The following ZDHHC17 variants were observed in gnomAD, a reference collection of about 807,000 sequenced individuals.
ZDHHC17 encodes the protein palmitoyltransferase ZDHHC17.
ZDHHC17 carries 40 observed loss-of-function variants against 90.3 expected under a neutral mutation model. The ratio of observed to expected loss-of-function variants is 0.44; its 90% CI spans 0.34 to 0.58. ZDHHC17 has a LOEUF of 0.58. Ranked by LOEUF, ZDHHC17 falls within the 20% of genes least tolerant of loss-of-function variation. The pLI is 0.01. For synonymous variants in ZDHHC17, 235 were observed against 252.4 expected (o/e 0.93, Z 0.65); for missense variants, 614 against 780.8 (o/e 0.79, Z 2.55).
intron 10 of ZDHHC17, chr12:76,840,055 T>A (rs1353331180): frequency 6.6e-6 from 1 of 152,192 alleles, no homozygotes. Flanking sequence ...TTCAGTCGTA[T>A]CATCTGTAAA....
intron 1 of ZDHHC17, among the ~76,000 whole-genome samples, chr12:76,778,171 A>G (rs1393471568): frequency 6.6e-6 from 1 of 152,030 alleles, no homozygotes; most frequent in African/African-American, 2.4e-5. Context: ...GAGATGAAGA[A>G]GTCTATATTG....
chr12:76,850,499 G>C (rs1372658900), intron 16 of ZDHHC17, among the ~76,000 whole-genome samples: 1 of 152,072 alleles, frequency 6.6e-6, no homozygotes, highest in East Asian at 1.9e-4. Flanking sequence ...TGAGAGGATT[G>C]CTTGAGCCCA....
intron 6 of ZDHHC17, 74 bp from the exon 7 acceptor site, chr12:76,815,783 A>T: frequency 7.2e-7 from 1 of 1,394,424 alleles, no homozygotes; most frequent in Non-Finnish European, 9.4e-7. Flanking sequence ...TAATCAGTTT[A>T]GTATTTGTAA....
chr12:76,832,836 A>G (rs538738191), intron 10 of ZDHHC17, among the ~76,000 whole-genome samples: 11 of 152,372 alleles, frequency 7.2e-5, no homozygotes, highest in Admixed American at 1.3e-4. Flanking sequence ...TTTGAGAACT[A>G]AAACAAGACA....
At position 76,769,886 on chromosome 12, in the gene ZDHHC17, T is replaced by C. The variant is rs183810215; in HGVS notation, c.93+5557T>C. ...CTGGTTTTGAGAAATGTCATTTTCC[T>C]GATTCGGCTTGTTTTATTTTGTTCA... On this transcript the variant is annotated intron_variant, in intron 1 of 16. Transcript: ENST00000426126. Among the ~76,000 whole-genome samples, 133 of 152,352 alleles carry C rather than the reference T, an allele frequency of 8.7e-4. No homozygotes were observed. In the Middle Eastern group the frequency reaches 0.014, roughly 16 times the overall value.
intron 7 of ZDHHC17, among the ~76,000 whole-genome samples, chr12:76,818,246 A>T (rs12369246): frequency 3.9e-5 from 6 of 152,186 alleles, no homozygotes. Flanking sequence ...AATGCACTTT[A>T]TATGTAATTA....
At chr12:76,822,070 T>C (rs1464342306) in intron 7 of ZDHHC17, among the ~76,000 whole-genome samples, 1 of 152,202 alleles carries the variant, frequency 6.6e-6, no homozygotes, top group African/African-American at 2.4e-5. Flanking sequence ...CTATTACTAA[T>C]GAAATTTTTA....
At chr12:76,850,787 T>A (rs993291136) in intron 16 of ZDHHC17, 60 bp from the exon 17 acceptor site, 212 of 1,551,930 alleles carry the variant, frequency 1.4e-4, no homozygotes, top group Non-Finnish European at 1.8e-4. Context: ...TTATATTGAA[T>A]TCATGTATTA....
intron 10 of ZDHHC17, chr12:76,840,496 A>G (rs1483269743): frequency 6.6e-6 from 1 of 152,050 alleles, no homozygotes; most frequent in Non-Finnish European, 1.5e-5. Context: ...GTGTACCACC[A>G]TGCCTGGCTA....
Position 76,825,217 on chromosome 12 carries a change from A to G in ZDHHC17, c.898-1691A>G, listed in dbSNP as rs181780456. Among the ~76,000 whole-genome samples, 883 of 152,310 alleles carry G rather than the reference A, an allele frequency of 5.8e-3. 10 individuals are homozygous for G. The highest frequency in any genetic ancestry group is 0.021 in the African/African-American group (859 of 41,566). On this transcript the variant is annotated intron_variant, in intron 8 of 16. Coordinates refer to ENST00000426126, the MANE Select transcript of ZDHHC17 (RefSeq NM_015336.4). ...CTACTGTGATACGCTAGATGTTACC[A>G]TTGGGGGACAAAGGATATTTAGGAT...
At chr12:76,785,825 T>C (rs1592464490) in intron 1 of ZDHHC17, among the ~76,000 whole-genome samples, 1 of 152,188 alleles carries the variant, frequency 6.6e-6, no homozygotes, top group South Asian at 2.1e-4. Flanking sequence ...GTGTAGGATG[T>C]GTAGAAGGGA....
Position 76,765,251 on chromosome 12 carries a change from C to T in ZDHHC17, c.93+922C>T, listed in dbSNP as rs866988439. On this transcript the variant is annotated intron_variant, in intron 1 of 16. Coordinates refer to ENST00000426126, the MANE Select transcript of ZDHHC17 (RefSeq NM_015336.4). ...GATGAACAAACATGGAAGTCTCTAC[C>T]TGGTTACTTTGCAATGGAGTGATTC... Among the ~76,000 whole-genome samples the T allele has an allele frequency of 4.6e-5, 7 of 152,304 alleles. No individual in the cohort carries two copies. In the South Asian group the frequency reaches 8.3e-4, roughly 18 times the overall value.
At chr12:76,806,219 C>T (rs547712133) in intron 3 of ZDHHC17, among the ~76,000 whole-genome samples, 4 of 151,930 alleles carry the variant, frequency 2.6e-5, no homozygotes, top group African/African-American at 7.3e-5. Context: ...CTCATACTCC[C>T]GAGTAGCTTG....
intron 10 of ZDHHC17, among the ~76,000 whole-genome samples, chr12:76,831,931 C>T (rs1953306534): frequency 6.6e-6 from 1 of 152,208 alleles, no homozygotes; most frequent in Admixed American, 6.5e-5. Flanking sequence ...CAAGTGTGAG[C>T]CCATGCCTAG....
intron 10 of ZDHHC17, among the ~76,000 whole-genome samples, chr12:76,841,599 T>G (rs2137802174): frequency 6.6e-6 from 1 of 152,234 alleles, no homozygotes; most frequent in South Asian, 2.1e-4. Context: ...GACTTTCCTA[T>G]AGTTAAAAGC....
At chr12:76,840,364 C>T (rs1953418674) in intron 10 of ZDHHC17, 2 of 140,932 alleles carry the variant, frequency 1.4e-5, no homozygotes, top group South Asian at 4.5e-4. Flanking sequence ...TTTTCCGAGA[C>T]TGAGTCTCAC....
intron 2 of ZDHHC17, among the ~76,000 whole-genome samples, chr12:76,800,164 A>G (rs1385479412): frequency 1.3e-5 from 2 of 152,206 alleles, no homozygotes; most frequent in Non-Finnish European, 2.9e-5. Context: ...TTTTCTACAC[A>G]TAAAGCAACA....
intron 3 of ZDHHC17, among the ~76,000 whole-genome samples, chr12:76,806,246 C>T (rs2137757536): frequency 6.6e-6 from 1 of 152,090 alleles, no homozygotes; most frequent in South Asian, 2.1e-4. Flanking sequence ...AGGCGAATAC[C>T]ACCACACCCA....
intron 10 of ZDHHC17, among the ~76,000 whole-genome samples, chr12:76,829,979 C>T (rs1953280174): frequency 6.6e-6 from 1 of 152,144 alleles, no homozygotes; most frequent in Non-Finnish European, 1.5e-5. Flanking sequence ...AGGCGTGCAC[C>T]ACCACGACTG....
Sources: gnomAD v4.1 joint callset for allele counts (sites outside exome capture counted in the v4.1 genomes callset) on GRCh38, gnomAD v4.1.1 for gene constraint, MANE v1.5 for transcripts, NCBI Gene and HGNC (gene_info 2026-07-23, HGNC 2026-07-21) for gene names.